The following UGGT1 variants were observed in gnomAD, a reference collection of about 807,000 sequenced individuals.
The protein encoded by UGGT1 is UDP-glucose:glycoprotein glucosyltransferase 1.
A neutral mutation model predicts 203.9 loss-of-function variants in UGGT1; 107 were observed. The ratio of observed to expected loss-of-function variants is 0.52; its 90% CI spans 0.45 to 0.62. The LOEUF (loss-of-function observed/expected upper bound fraction) is 0.62, where lower values mean the gene tolerates loss of function less well. Among genes scored for constraint, UGGT1 ranks in the 20% least tolerant of loss-of-function variants. The probability of loss-of-function intolerance (pLI) is 0.00; values close to 1 mark genes in which losing one functional copy is unlikely to be tolerated. For synonymous variants in UGGT1, 628 were observed against 653.5 expected (o/e 0.96, Z 0.59); for missense variants, 1,673 against 1,867.2 (o/e 0.90, Z 1.92).
At chr2:128,173,395 T>C (rs1033670831) in intron 29 of UGGT1, among the ~76,000 whole-genome samples, 1 of 152,226 alleles carries the variant, frequency 6.6e-6, no homozygotes, top group Admixed American at 6.5e-5. Context: ...TTTAGGTCTT[T>C]AATTTTTTTC....
chr2:128,159,371 T>C (rs1009892064), intron 22 of UGGT1, 143 bp from the exon 23 acceptor site: 8 of 738,160 alleles, frequency 1.1e-5, no homozygotes, highest in Non-Finnish European at 1.8e-5. Context: ...AGTGCTGGGA[T>C]TACAGGCATG....
intron 2 of UGGT1, 127 bp downstream of exon 2, chr2:128,097,691 T>TACA: frequency 8.3e-7 from 1 of 1,211,804 alleles, no homozygotes. Context: ...TCTTTCAGTG[T>TACA]ATACTGTAGG....
At chr2:128,166,682 TCA>T (rs2104765027) in intron 26 of UGGT1, among the ~76,000 whole-genome samples, 1 of 152,344 alleles carries the variant, frequency 6.6e-6, no homozygotes, top group South Asian at 2.1e-4. Context: ...ATGGAATGTC[TCA>T]CAGTCTGAGT....
chr2:128,092,574 A>G (rs1259989480), intron 1 of UGGT1, among the ~76,000 whole-genome samples: 2 of 150,566 alleles, frequency 1.3e-5, no homozygotes, highest in South Asian at 4.2e-4. Context: ...GTAACAATAC[A>G]AGATGATGTG....
chr2:128,135,498 A>G (rs888205259), intron 15 of UGGT1, among the ~76,000 whole-genome samples: 15 of 152,210 alleles, frequency 9.9e-5, no homozygotes, highest in Admixed American at 3.3e-4. Context: ...CCTACATTCT[A>G]AATAATTCTG....
At chr2:128,167,616 G>A (rs958328428) in intron 26 of UGGT1, among the ~76,000 whole-genome samples, 17 of 152,160 alleles carry the variant, frequency 1.1e-4, no homozygotes, top group African/African-American at 3.6e-4. Context: ...CACAGTATTC[G>A]TTGACATTTA....
intron 37 of UGGT1, among the ~76,000 whole-genome samples, chr2:128,182,563 G>A (rs1465725713): frequency 6.6e-6 from 1 of 152,040 alleles, no homozygotes; most frequent in East Asian, 1.9e-4. Flanking sequence ...GCTGGGCATG[G>A]TGGTGGGCGC....
At position 128,112,129 on chromosome 2, in the gene UGGT1, A is replaced by T. The variant is rs1284328453; in HGVS notation, c.522-955A>T. On this transcript the variant is annotated intron_variant, in intron 5 of 40. Transcript: ENST00000259253. ...TTCTCAAAATATAACATAATATAAC[A>T]TATTATATTGGCCAGGCCTGGTGGC... Among the ~76,000 whole-genome samples the T allele has an allele frequency of 4.0e-5, 6 of 150,704 alleles. No homozygotes were observed. In the East Asian group the frequency reaches 1.2e-3, roughly 30 times the overall value.
intron 1 of UGGT1, among the ~76,000 whole-genome samples, chr2:128,093,506 T>C (rs768241930): frequency 6.6e-6 from 1 of 151,902 alleles, no homozygotes; most frequent in African/African-American, 2.4e-5. Flanking sequence ...ATTGGTTGGT[T>C]GGATTGCTTC....
In UGGT1 at chr2:128,091,224, T is replaced by C; in HGVS notation, c.-134T>C. 3.1e-6 allele frequency: 3 copies of C among 976,688 alleles called. No homozygotes were observed. The highest frequency in any genetic ancestry group is 3.5e-5 in the South Asian group (2 of 57,484). The allele number at this position is 976,688 out of a possible 1,614,324, so 60.5% of individuals were successfully genotyped here. On this transcript the variant is annotated 5_prime_UTR_variant, in exon 1 of 41. Transcript: ENST00000259253. ...CAGCTGGGCAATTGCTTTGCGAGGC[T>C]GGGTGTTGAGTCGAGCCGCGGGAAA...
At position 128,121,336 on chromosome 2, in the gene UGGT1, C is replaced by G. The variant is rs754926458; in HGVS notation, c.1073+38C>G. The G allele has an allele frequency of 3.3e-5, 47 of 1,437,224 alleles. 1 individual carries two copies. The South Asian group carries it at 3.9e-4, about 12-fold the overall frequency. The allele number at this position is 1,437,224 out of a possible 1,614,324, so 89.0% of individuals were successfully genotyped here. ...AATGCTCTTCTCCTTAACATCATACCCAGTCATCGTCATGTTCACTTGCCA... is the reference window on the plus strand; with the variant it reads ...AATGCTCTTCTCCTTAACATCATACGCAGTCATCGTCATGTTCACTTGCCA... On this transcript the variant is annotated intron_variant, in intron 10 of 40. Transcript: ENST00000259253.
At chr2:128,140,546 C>G (rs962772173) in intron 16 of UGGT1, 1 of 152,196 alleles carries the variant, frequency 6.6e-6, no homozygotes, top group Non-Finnish European at 1.5e-5. Context: ...GGAACCAGCC[C>G]TCCTAAATGG....
At chr2:128,156,555 ATTTT>A (rs397792244) in intron 21 of UGGT1, 140 bp downstream of exon 21, 479 of 403,272 alleles carry the variant, frequency 1.2e-3, no homozygotes, top group Middle Eastern at 1.4e-3. Context: ...AATGTAGATA[ATTTT>A]TTTTTTTTTT....
At chr2:128,175,553 C>T (rs533663473) in intron 31 of UGGT1, among the ~76,000 whole-genome samples, 5 of 152,182 alleles carry the variant, frequency 3.3e-5, no homozygotes, top group Non-Finnish European at 5.9e-5. Context: ...TAATTAGCTC[C>T]GTAGCGACAC....
chr2:128,156,691 C>T (rs777509176), intron 21 of UGGT1, among the ~76,000 whole-genome samples: 19 of 151,632 alleles, frequency 1.3e-4, no homozygotes, highest in Non-Finnish European at 2.4e-4. Context: ...CCTCAGCCTT[C>T]CAAGTAGCTG....
At chr2:128,128,196 T>C (rs1688694675) in intron 12 of UGGT1, among the ~76,000 whole-genome samples, 1 of 152,254 alleles carries the variant, frequency 6.6e-6, no homozygotes, top group African/African-American at 2.4e-5. Flanking sequence ...TTCGATTGTC[T>C]TCATGATTTT....
At chr2:128,153,638 A>G (rs1690087331) in intron 19 of UGGT1, among the ~76,000 whole-genome samples, 1 of 152,166 alleles carries the variant, frequency 6.6e-6, no homozygotes, top group Admixed American at 6.5e-5. Flanking sequence ...AATTTAGCAT[A>G]TTGTTAAGGC....
chr2:128,113,142 C>T lies in UGGT1; in HGVS notation c.580C>T (p.Pro194Ser). Residue 194 changes from proline (P) to serine (S), a missense_variant, in exon 6 of 41, where the codon CCT (proline) becomes TCT (serine). Coordinates refer to ENST00000259253, the MANE Select transcript of UGGT1 (RefSeq NM_020120.4). ...HRYPSSNPES[P>S]VVIFYSEIGS... ...ATATCCCTCGTCTAATCCTGAAAGCCCTGTGGTGATTTTCTACTCTGAGAT... is the reference window on the plus strand; with the variant it reads ...ATATCCCTCGTCTAATCCTGAAAGCTCTGTGGTGATTTTCTACTCTGAGAT... The T allele has an allele frequency of 6.2e-7, 1 of 1,612,372 alleles. No individual in the cohort carries two copies. Among genetic ancestry groups the T allele is most frequent in the Non-Finnish European group, 8.5e-7 (1 of 1,179,106 alleles).
chr2:128,195,336 A>C lies in UGGT1; in HGVS notation c.*5594A>C, dbSNP rs1245572816. ...TCTTAACAACAACAGCAGAAAGCAA[A>C]ATACATTAACTTAAGGTTGACAACA... On this transcript the variant is annotated 3_prime_UTR_variant, in exon 41 of 41. Coordinates refer to ENST00000259253, the MANE Select transcript of UGGT1 (RefSeq NM_020120.4). 6.6e-6 allele frequency: 1 copy of C among 152,268 alleles called. No homozygotes were observed. Among genetic ancestry groups the C allele is most frequent in the Non-Finnish European group, 1.5e-5 (1 of 68,052 alleles). The allele number at this position is 152,268 out of a possible 1,614,324, so 9.4% of individuals were successfully genotyped here.
Sources: gnomAD v4.1 joint callset for allele counts (sites outside exome capture counted in the v4.1 genomes callset) on GRCh38, gnomAD v4.1.1 for gene constraint, MANE v1.5 for transcripts, NCBI Gene and HGNC (gene_info 2026-07-23, HGNC 2026-07-21) for gene names.